The following ARMC9 variants were observed in gnomAD, a reference collection of about 807,000 sequenced individuals.
ARMC9 encodes the protein lisH domain-containing protein ARMC9.
ARMC9 carries 94 observed loss-of-function variants against 107.0 expected under a neutral mutation model. That is an observed-to-expected ratio of 0.88 (90% CI 0.74 to 1.04). The LOEUF (loss-of-function observed/expected upper bound fraction) is 1.04. Among genes scored for constraint, ARMC9 ranks in the 50% least tolerant of loss-of-function variants. The pLI is 0.00. For missense variants in ARMC9, 942 were observed against 1,030.1 expected (o/e 0.91, Z 1.17); for synonymous variants, 380 against 396.9 (o/e 0.96, Z 0.51).
At chr2:231,249,877 C>T (rs552547453) in intron 9 of ARMC9, among the ~76,000 whole-genome samples, 1,431 of 65,868 alleles carry the variant, frequency 0.022, 126 homozygotes, top group African/African-American at 0.15. Context: ...AGACCACCGC[C>T]CACCCGTGCA....
rs887648037 is a variant in ARMC9, at chr2:231,279,248, C to T, written c.1551+790C>T. 7.9e-5 allele frequency among the ~76,000 whole-genome samples: 12 copies of T among 152,308 alleles called. No individual in the cohort carries two copies. In the East Asian group the frequency reaches 2.1e-3, roughly 27 times the overall value. On this transcript the variant is annotated intron_variant, in intron 16 of 24. Transcript: ENST00000611582. ...TGGTGTTATTTTCTAAGTTTTTAAC[C>T]TATGGGCCCCAAGCACTTTTTAAAT...
chr2:231,249,966 T>A (rs2037147905), intron 9 of ARMC9, among the ~76,000 whole-genome samples: 1 of 135,704 alleles, frequency 7.4e-6, no homozygotes, highest in Admixed American at 7.2e-5. Flanking sequence ...CGTGCACACC[T>A]CCACGGGAGG....
chr2:231,242,269 G>A (rs1195744746), intron 9 of ARMC9, among the ~76,000 whole-genome samples: 10 of 151,994 alleles, frequency 6.6e-5, no homozygotes, highest in Non-Finnish European at 8.8e-5. Context: ...TAGAAGGCAC[G>A]TAGTCATGTG....
intron 21 of ARMC9, among the ~76,000 whole-genome samples, chr2:231,354,264 A>G (rs889943557): frequency 6.3e-5 from 6 of 95,826 alleles, no homozygotes; most frequent in African/African-American, 2.1e-4. Flanking sequence ...ATCTCCATTT[A>G]AAAAAAAAAA....
rs1017525356 is a variant in ARMC9, at chr2:231,285,623, G to A, written c.1626+3490G>A. Among the ~76,000 whole-genome samples, 5 of 150,298 alleles carry A rather than the reference G, an allele frequency of 3.3e-5. 1 individual carries two copies. Among genetic ancestry groups the A allele is most frequent in the Admixed American group, 3.3e-4 (5 of 15,064 alleles). On this transcript the variant is annotated intron_variant, in intron 17 of 24. Coordinates refer to ENST00000611582, the MANE Select transcript of ARMC9 (RefSeq NM_001352754.2). ...ATCATGCCACTGGACTCCACCCTGTGCAACAGGGTGAGACTCCGTCTCAAA... is the reference window on the plus strand; with the variant it reads ...ATCATGCCACTGGACTCCACCCTGTACAACAGGGTGAGACTCCGTCTCAAA...
intron 8 of ARMC9, among the ~76,000 whole-genome samples, chr2:231,237,207 T>TAC (rs398039621): frequency 6.6e-5 from 10 of 150,654 alleles, no homozygotes; most frequent in Non-Finnish European, 1.2e-4. Flanking sequence ...TGTGTGTGTG[T>TAC]ACACACATGC....
At chr2:231,218,857 T>G (rs2033810759) in intron 5 of ARMC9, among the ~76,000 whole-genome samples, 1 of 152,050 alleles carries the variant, frequency 6.6e-6, no homozygotes, top group South Asian at 2.1e-4. Context: ...GTTCAAGCGA[T>G]TCTCCTGCCT....
In ARMC9 at chr2:231,268,994, A is replaced by AG. The variant is rs755916572; in HGVS notation, c.1120-1987dup. Reference sequence around the variant, plus strand: ...GAGGCGAGAGGATTGCTTGAGCCCAAGAGGTTGAGGCTGTGAGCTGTGATC... The same window carrying AG: ...GAGGCGAGAGGATTGCTTGAGCCCAAGGAGGTTGAGGCTGTGAGCTGTGATC... On this transcript the variant is annotated intron_variant, in intron 12 of 24. Coordinates refer to ENST00000611582, the MANE Select transcript of ARMC9 (RefSeq NM_001352754.2). Among the ~76,000 whole-genome samples the AG allele has an allele frequency of 4.6e-3, 704 of 152,226 alleles. 1 individual carries two copies. The highest frequency in any genetic ancestry group is 7.3e-3 in the Non-Finnish European group (494 of 68,006).
At chr2:231,233,856 T>G (rs1249673674) in intron 7 of ARMC9, among the ~76,000 whole-genome samples, 1 of 152,212 alleles carries the variant, frequency 6.6e-6, no homozygotes, top group Non-Finnish European at 1.5e-5. Context: ...GAAATAGTAG[T>G]AATAGCCACC....
At position 231,246,788 on chromosome 2, in the gene ARMC9, A is replaced by G. The variant is rs541745701; in HGVS notation, c.879+6747A>G. ...TCCAAACTGCTTTTCACAGTGGCTA[A>G]TTTACATTCCCACGAACACATACAG... On this transcript the variant is annotated intron_variant, in intron 9 of 24. Transcript: ENST00000611582. Among the ~76,000 whole-genome samples the G allele has an allele frequency of 2.6e-5, 4 of 152,226 alleles. No homozygotes were observed. In the East Asian group the frequency reaches 5.8e-4, roughly 22 times the overall value.
intron 19 of ARMC9, among the ~76,000 whole-genome samples, chr2:231,296,906 C>G (rs1165692374): frequency 6.6e-6 from 1 of 152,196 alleles, no homozygotes; most frequent in Non-Finnish European, 1.5e-5. Context: ...GTTGTCCCCT[C>G]TGGTCATCCT....
At chr2:231,237,223 G>A (rs1250413248) in intron 8 of ARMC9, among the ~76,000 whole-genome samples, 2 of 144,220 alleles carry the variant, frequency 1.4e-5, no homozygotes, top group African/African-American at 5.2e-5. Flanking sequence ...CATGCGTACA[G>A]CATTTGTACC....
At chr2:231,210,214 G>A (rs1169762502) in intron 3 of ARMC9, among the ~76,000 whole-genome samples, 1 of 152,190 alleles carries the variant, frequency 6.6e-6, no homozygotes, top group Non-Finnish European at 1.5e-5. Context: ...TCCGCTTCAG[G>A]CCTCTGGCCC....
chr2:231,282,093 T>A lies in ARMC9; in HGVS notation c.1586T>A (p.Ile529Asn). The A allele has an allele frequency of 6.2e-7, 1 of 1,614,158 alleles. No homozygotes were observed. The highest frequency in any genetic ancestry group is 1.1e-5 in the South Asian group (1 of 91,078). Residue 529 changes from isoleucine to asparagine, a missense_variant, in exon 17 of 25, where the codon ATC becomes AAC. Coordinates refer to ENST00000611582, the MANE Select transcript of ARMC9 (RefSeq NM_001352754.2). The part of the protein sequence containing the change: ...QPYVNGALYS[I>N]LSVPSIREEA... ...TATGTGAATGGAGCTCTGTACAGCA[T>A]CCTTTCTGTTCCATCCATTCGTGAG... is the stretch of plus-strand genomic sequence containing the variant.
At chr2:231,304,719 A>C (rs2041950198) in intron 19 of ARMC9, among the ~76,000 whole-genome samples, 1 of 152,210 alleles carries the variant, frequency 6.6e-6, no homozygotes. Flanking sequence ...ACATTTTATT[A>C]TATAACATAA....
At chr2:231,334,447 C>T (rs1429003769) in intron 20 of ARMC9, among the ~76,000 whole-genome samples, 3 of 152,218 alleles carry the variant, frequency 2.0e-5, no homozygotes, top group African/African-American at 7.2e-5. Flanking sequence ...TTCCCCTCTT[C>T]TGTCTTTTGT....
rs1367644487 is a variant in ARMC9 at position 231,362,008 on chromosome 2, C to T, written c.2261+1125C>T. Among the ~76,000 whole-genome samples the T allele has an allele frequency of 6.6e-6, 1 of 152,046 alleles. No individual in the cohort carries two copies. The highest frequency in any genetic ancestry group is 2.4e-5 in the African/African-American group (1 of 41,380). On this transcript the variant is annotated intron_variant, in intron 23 of 24. Transcript: ENST00000611582. The surrounding 1 kb of genome is among the most constrained non-coding windows in gnomAD (Gnocchi z 4.7). Reference sequence around the variant, plus strand: ...GGAACTGTGGGAAGGATGGGAAGGACTTCAAGACCTGGGCTAGGGAAGGGT... The same window carrying T: ...GGAACTGTGGGAAGGATGGGAAGGATTTCAAGACCTGGGCTAGGGAAGGGT...
intron 9 of ARMC9, among the ~76,000 whole-genome samples, chr2:231,243,404 G>A (rs1458076604): frequency 6.6e-6 from 1 of 152,120 alleles, no homozygotes; most frequent in East Asian, 1.9e-4. Flanking sequence ...CAGAGTGAGA[G>A]CCTGTCTCAA....
At chr2:231,269,965 A>C (rs2039182159) in intron 12 of ARMC9, among the ~76,000 whole-genome samples, 1 of 139,562 alleles carries the variant, frequency 7.2e-6, no homozygotes, top group Non-Finnish European at 1.5e-5. Flanking sequence ...TTTGGAGTGA[A>C]GGGGACCACA....
Sources: gnomAD v4.1 joint callset for allele counts (sites outside exome capture counted in the v4.1 genomes callset) on GRCh38, gnomAD v4.1.1 for gene constraint, Gnocchi (gnomAD v3.1) non-coding constraint, MANE v1.5 for transcripts, NCBI Gene and HGNC (gene_info 2026-07-23, HGNC 2026-07-21) for gene names.